EPHB1: variants seen among roughly 807,000 people sequenced by gnomAD.
The protein encoded by EPHB1 is ephrin type-B receptor 1.
Under a neutral mutation model 94.4 loss-of-function variants are expected in EPHB1, and 30 were observed. The ratio of observed to expected loss-of-function variants is 0.32; its 90% CI spans 0.24 to 0.43. EPHB1 has a LOEUF of 0.43. Ranked by LOEUF, EPHB1 falls within the 20% of genes least tolerant of loss-of-function variation. The pLI is 1.00. For synonymous variants in EPHB1, 522 were observed against 489.1 expected (o/e 1.07, Z -0.89); for missense variants, 1,055 against 1,308.3 (o/e 0.81, Z 2.99).
intron 3 of EPHB1, among the ~76,000 whole-genome samples, chr3:135,044,304 A>G (rs1936933293): frequency 6.6e-6 from 1 of 152,200 alleles, no homozygotes; most frequent in South Asian, 2.1e-4. Flanking sequence ...GAGGGTTTGC[A>G]AGTGTCGCCA....
intron 4 of EPHB1, among the ~76,000 whole-genome samples, chr3:135,107,821 T>C (rs527859039): frequency 1.3e-5 from 2 of 152,338 alleles, no homozygotes; most frequent in East Asian, 3.9e-4. Context: ...AAGCTCATCC[T>C]GTTGTAAACT....
chr3:135,031,345 T>C (rs767191210), intron 3 of EPHB1, among the ~76,000 whole-genome samples: 12 of 152,204 alleles, frequency 7.9e-5, no homozygotes, highest in Non-Finnish European at 1.3e-4. Flanking sequence ...GGTCTCACTC[T>C]GTAGCCTTGT....
At chr3:134,816,526 G>A (rs2036276935) in intron 1 of EPHB1, among the ~76,000 whole-genome samples, 1 of 152,096 alleles carries the variant, frequency 6.6e-6, no homozygotes, top group Admixed American at 6.5e-5. Flanking sequence ...GGGGATGGTG[G>A]TACTCACCTC....
chr3:134,851,041 T>C (rs532391884), intron 1 of EPHB1, among the ~76,000 whole-genome samples: 47 of 152,234 alleles, frequency 3.1e-4, no homozygotes, highest in Non-Finnish European at 5.7e-4. Flanking sequence ...ATTGCCTTCT[T>C]TCCTCCTGGA....
chr3:134,949,408 A>G (rs1247017580), intron 2 of EPHB1, among the ~76,000 whole-genome samples: 1 of 137,804 alleles, frequency 7.3e-6, no homozygotes, highest in Non-Finnish European at 1.6e-5. Context: ...CAATGTGCCC[A>G]TTTCCCCACC....
intron 10 of EPHB1, among the ~76,000 whole-genome samples, chr3:135,189,864 G>A (rs1004588109): frequency 5.3e-5 from 8 of 152,208 alleles, no homozygotes; most frequent in Admixed American, 3.9e-4. Flanking sequence ...CCAACTCCCA[G>A]GCAGGAGGCT....
At chr3:134,828,651 C>T (rs1248306529) in intron 1 of EPHB1, among the ~76,000 whole-genome samples, 3 of 152,126 alleles carry the variant, frequency 2.0e-5, no homozygotes, top group African/African-American at 7.2e-5. Flanking sequence ...CTGCAGTTGG[C>T]CGGGAGTGAC....
At chr3:135,199,448 C>T (rs182719218) in intron 11 of EPHB1, among the ~76,000 whole-genome samples, 17 of 152,308 alleles carry the variant, frequency 1.1e-4, no homozygotes, top group Non-Finnish European at 2.1e-4. Flanking sequence ...AGATGGGCAA[C>T]GTGCTGAAAA....
chr3:135,178,711 T>C (rs1942063963), intron 9 of EPHB1, among the ~76,000 whole-genome samples: 1 of 152,028 alleles, frequency 6.6e-6, no homozygotes, highest in Non-Finnish European at 1.5e-5. Context: ...AAAATGGAGC[T>C]CATGAAACCT....
At chr3:134,995,349 C>T (rs1934954823) in intron 3 of EPHB1, among the ~76,000 whole-genome samples, 1 of 152,088 alleles carries the variant, frequency 6.6e-6, no homozygotes, top group African/African-American at 2.4e-5. Flanking sequence ...TGCTGAGTAG[C>T]ATTCTATGGT....
intron 5 of EPHB1, among the ~76,000 whole-genome samples, chr3:135,153,610 C>T (rs970981045): frequency 6.6e-5 from 10 of 152,192 alleles, no homozygotes; most frequent in African/African-American, 2.4e-4. Context: ...TACCTCCTCT[C>T]TTCCTTTTAA....
intron 1 of EPHB1, among the ~76,000 whole-genome samples, chr3:134,853,823 G>A (rs986019623): frequency 3.9e-5 from 6 of 152,168 alleles, no homozygotes; most frequent in Non-Finnish European, 8.8e-5. Context: ...GGCCAAAGCA[G>A]GGATGGAAAA....
chr3:135,123,810 C>T (rs1940082583), intron 4 of EPHB1, among the ~76,000 whole-genome samples: 1 of 150,650 alleles, frequency 6.6e-6, no homozygotes, highest in Non-Finnish European at 1.5e-5. Context: ...TCAGAATCTG[C>T]CTCTTCTCAT....
At chr3:134,995,249 G>T (rs542934720) in intron 3 of EPHB1, among the ~76,000 whole-genome samples, 1 of 152,236 alleles carries the variant, frequency 6.6e-6, no homozygotes, top group East Asian at 1.9e-4. Flanking sequence ...CTTCAGGGAT[G>T]GGCTTTTTTT....
chr3:135,004,935 G>A (rs1446167886), intron 3 of EPHB1, among the ~76,000 whole-genome samples: 7 of 152,062 alleles, frequency 4.6e-5, no homozygotes, highest in Admixed American at 1.3e-4. Flanking sequence ...TAATTTGATC[G>A]TCTGAAGCCT....
At chr3:135,178,231 G>C (rs1292020334) in intron 9 of EPHB1, among the ~76,000 whole-genome samples, 1 of 147,030 alleles carries the variant, frequency 6.8e-6, no homozygotes, top group Non-Finnish European at 1.5e-5. Context: ...GGGAGGGGGG[G>C]TGGATCATGA....
At chr3:135,252,420 G>A (rs1933164546) in intron 15 of EPHB1, among the ~76,000 whole-genome samples, 1 of 131,500 alleles carries the variant, frequency 7.6e-6, no homozygotes, top group South Asian at 2.4e-4. Context: ...CTGTGTCCAT[G>A]TGATCTCATT....
intron 3 of EPHB1, among the ~76,000 whole-genome samples, chr3:135,078,064 A>G (rs959609153): frequency 3.3e-5 from 5 of 152,154 alleles, no homozygotes; most frequent in African/African-American, 7.2e-5. Context: ...CCAGAGAGTA[A>G]AGTCAGTTAT....
chr3:135,008,122 G>A (rs1486010745), intron 3 of EPHB1, among the ~76,000 whole-genome samples: 2 of 152,166 alleles, frequency 1.3e-5, no homozygotes, highest in African/African-American at 4.8e-5. Context: ...GAACTAGATG[G>A]TTAACTAGAT....
Sources: gnomAD v4.1 joint callset for allele counts (sites outside exome capture counted in the v4.1 genomes callset) on GRCh38, gnomAD v4.1.1 for gene constraint, MANE v1.5 for transcripts, NCBI Gene and HGNC (gene_info 2026-07-23, HGNC 2026-07-21) for gene names.